Variants in SORCS1 observed in about 807,000 individuals in gnomAD.
SORCS1 encodes the protein VPS10 domain-containing receptor SorCS1.
SORCS1 carries 60 observed loss-of-function variants against 146.1 expected under a neutral mutation model. The observed-to-expected ratio is 0.41, with a 90% CI of 0.33 to 0.51. The LOEUF is 0.51. Among genes scored for constraint, SORCS1 ranks in the 20% least tolerant of loss-of-function variants. The probability of loss-of-function intolerance (pLI) is 0.21; values close to 1 mark genes in which losing one functional copy is unlikely to be tolerated. For synonymous variants in SORCS1, 637 were observed against 584.0 expected, an observed-to-expected ratio of 1.09 and a Z score of -1.31; for missense variants, 1,352 against 1,487.6, an observed-to-expected ratio of 0.91 and a Z score of 1.50.
At chr10:106,871,796 G>C (rs1256049655) in intron 2 of SORCS1, among the ~76,000 whole-genome samples, 1 of 152,078 alleles carries the variant, frequency 6.6e-6, no homozygotes, top group Admixed American at 6.6e-5. Flanking sequence ...TTGCCTACTT[G>C]GCTTAATATC....
chr10:107,076,743 T>C (rs984371218), intron 1 of SORCS1, among the ~76,000 whole-genome samples: 1 of 152,090 alleles, frequency 6.6e-6, no homozygotes, highest in African/African-American at 2.4e-5. Flanking sequence ...AACATCATGG[T>C]GAAGTGGACG....
At chr10:107,082,928 A>G (rs1262524058) in intron 1 of SORCS1, among the ~76,000 whole-genome samples, 1 of 146,056 alleles carries the variant, frequency 6.8e-6, no homozygotes, top group African/African-American at 2.5e-5. Context: ...AACATGGTGA[A>G]ACCCCGTCTC....
At chr10:106,993,099 G>T (rs1312860836) in intron 1 of SORCS1, among the ~76,000 whole-genome samples, 1 of 152,066 alleles carries the variant, frequency 6.6e-6, no homozygotes, top group Admixed American at 6.6e-5. Flanking sequence ...CAAAGTGCTG[G>T]GATTACAGGC....
At chr10:106,871,597 T>A in intron 2 of SORCS1, among the ~76,000 whole-genome samples, 1 of 152,172 alleles carries the variant, frequency 6.6e-6, no homozygotes, top group East Asian at 1.9e-4. Flanking sequence ...TAGGGGAACA[T>A]GAATAGAGAT....
upstream of SORCS1, among the ~76,000 whole-genome samples, chr10:107,167,459 TTTTCA>T (rs1970078586): frequency 6.6e-6 from 1 of 152,212 alleles, no homozygotes; most frequent in Non-Finnish European, 1.5e-5. Context: ...ATAAGGAGTC[TTTTCA>T]TTGTGCACGT....
chr10:106,930,062 C>G (rs1953322564), intron 2 of SORCS1, among the ~76,000 whole-genome samples: 1 of 152,024 alleles, frequency 6.6e-6, no homozygotes, highest in African/African-American at 2.4e-5. Context: ...CTGGCTAACA[C>G]GGTGATGAGA....
chr10:106,583,617 C>T (rs1326924121), intron 24 of SORCS1, among the ~76,000 whole-genome samples: 2 of 152,116 alleles, frequency 1.3e-5, no homozygotes, highest in Non-Finnish European at 2.9e-5. Context: ...AATTCTCTTG[C>T]CTCAGCCTCT....
At chr10:107,096,496 C>T (rs1964551266) in intron 1 of SORCS1, among the ~76,000 whole-genome samples, 1 of 152,032 alleles carries the variant, frequency 6.6e-6, no homozygotes, top group South Asian at 2.1e-4. Context: ...CTTTGCTACA[C>T]CTATCAATAT....
chr10:106,823,546 C>A (rs1052361016), intron 3 of SORCS1, among the ~76,000 whole-genome samples: 15 of 152,164 alleles, frequency 9.9e-5, no homozygotes, highest in Admixed American at 8.5e-4. Context: ...ATGTATTGGA[C>A]ACCTACTGTA....
intron 18 of SORCS1, among the ~76,000 whole-genome samples, chr10:106,648,981 T>C (rs1016105491): frequency 1.3e-5 from 2 of 152,058 alleles, no homozygotes; most frequent in African/African-American, 4.8e-5. Context: ...AGAACTATCC[T>C]ATACGGAGTT....
intron 3 of SORCS1, among the ~76,000 whole-genome samples, chr10:106,797,520 CT>C (rs66978703): frequency 1.1e-4 from 17 of 148,040 alleles, no homozygotes; most frequent in East Asian, 4.0e-4. Flanking sequence ...TGAGGAGTTG[CT>C]TTTTTTTTTA....
intron 3 of SORCS1, among the ~76,000 whole-genome samples, chr10:106,789,046 C>G (rs1946192355): frequency 6.6e-6 from 1 of 152,204 alleles, no homozygotes; most frequent in Non-Finnish European, 1.5e-5. Context: ...GGCCCAATAC[C>G]ATGTGGAAGT....
intron 1 of SORCS1, among the ~76,000 whole-genome samples, chr10:107,065,323 GC>G (rs199536069): frequency 0.015 from 2,255 of 152,214 alleles, 66 homozygotes; most frequent in African/African-American, 0.051. Flanking sequence ...CCATGAGAAT[GC>G]AGCAAATCGT....
intron 1 of SORCS1, among the ~76,000 whole-genome samples, chr10:106,971,275 C>A (rs1319870920): frequency 6.6e-6 from 1 of 152,190 alleles, no homozygotes; most frequent in Non-Finnish European, 1.5e-5. Context: ...CACGCCAGTG[C>A]CCCATATCCT....
intron 3 of SORCS1, among the ~76,000 whole-genome samples, chr10:106,808,554 G>C (rs1047683469): frequency 1.8e-4 from 27 of 152,208 alleles, no homozygotes; most frequent in African/African-American, 6.3e-4. Flanking sequence ...CCAGTCTGGA[G>C]TGCAGTGGCG....
chr10:106,720,420 T>C (rs1394522513), intron 6 of SORCS1, among the ~76,000 whole-genome samples: 1 of 151,080 alleles, frequency 6.6e-6, no homozygotes, highest in East Asian at 1.9e-4. Context: ...CCAAGGATTG[T>C]TATAAGTAAG....
intron 2 of SORCS1, among the ~76,000 whole-genome samples, chr10:106,927,536 C>T (rs1000286141): frequency 5.9e-5 from 9 of 152,218 alleles, no homozygotes; most frequent in African/African-American, 1.9e-4. Context: ...GGGACATGAG[C>T]GGGTTGCCAC....
chr10:107,165,335 T>A (rs1013859443), upstream of SORCS1, among the ~76,000 whole-genome samples: 9 of 137,496 alleles, frequency 6.5e-5, no homozygotes, highest in Non-Finnish European at 1.4e-4. This position sits in a 1 kb window ranked among gnomAD's most constrained non-coding sequence, Gnocchi z 4.0. Context: ...GTTTGGGGGA[T>A]TTTTTTTCCC....
chr10:106,734,247 T>C (rs925361340), intron 5 of SORCS1, among the ~76,000 whole-genome samples: 4 of 152,176 alleles, frequency 2.6e-5, no homozygotes, highest in African/African-American at 9.7e-5. Context: ...AAGGGAGTCT[T>C]TCTGTGTACA....
Sources: allele counts gnomAD v4.1 joint callset (sites outside exome capture counted in the v4.1 genomes callset), GRCh38; gene constraint gnomAD v4.1.1; non-coding constraint Gnocchi (gnomAD v3.1); transcripts MANE v1.5; gene names NCBI Gene and HGNC (gene_info 2026-07-23, HGNC 2026-07-21).